Variants in NCAPD2 observed in about 807,000 individuals in gnomAD.
The protein encoded by NCAPD2 is non-SMC condensin I complex subunit D2.
A neutral mutation model predicts 164.5 loss-of-function variants in NCAPD2; 100 were observed. The ratio of observed to expected loss-of-function variants is 0.61; its 90% CI spans 0.52 to 0.72. The LOEUF is 0.72. Ranked by LOEUF, NCAPD2 falls within the 30% of genes least tolerant of loss-of-function variation. The pLI is 0.00. For synonymous variants in NCAPD2, 585 were observed against 642.6 expected, an observed-to-expected ratio of 0.91 and a Z score of 1.36; for missense variants, 1,560 against 1,749.2, an observed-to-expected ratio of 0.89 and a Z score of 1.93.
intron 2 of NCAPD2, among the ~76,000 whole-genome samples, chr12:6,496,831 T>C (rs1159910997): frequency 6.6e-6 from 1 of 152,222 alleles, no homozygotes; most frequent in Non-Finnish European, 1.5e-5. Context: ...ATTGTAGGCA[T>C]GAGGCACCAT....
intron 2 of NCAPD2, among the ~76,000 whole-genome samples, chr12:6,504,216 T>TACACATATATATATATATAC (rs1406807438): frequency 1.3e-4 from 3 of 23,208 alleles, no homozygotes; most frequent in Non-Finnish European, 2.4e-4. Context: ...TATATATATA[T>TACACATATATATATATATAC]AGATATAGAT....
chr12:6,506,415 C>T (rs901066209), intron 2 of NCAPD2, among the ~76,000 whole-genome samples: 21 of 151,864 alleles, frequency 1.4e-4, no homozygotes, highest in Non-Finnish European at 2.2e-4. Context: ...CGTGAAACCC[C>T]GTCTCTACTA....
chr12:6,509,867 A>T (rs1946129814), intron 3 of NCAPD2, 75 bp downstream of exon 3: 1 of 1,503,224 alleles, frequency 6.7e-7, no homozygotes, highest in Admixed American at 1.8e-5. Context: ...TTAGTCCTGA[A>T]ATTCCAAGTT....
chr12:6,520,959 G>T (rs1309791963), intron 13 of NCAPD2, 27 bp from the exon 14 acceptor site: 3 of 1,613,100 alleles, frequency 1.9e-6, no homozygotes, highest in Non-Finnish European at 2.5e-6. Flanking sequence ...CATTCTTCTG[G>T]GTACTGACAG....
rs1946320375 is a variant in NCAPD2, at chr12:6,526,599, C to T, written c.2718C>T (p.Thr906=). 15 of 1,613,822 alleles carry T rather than the reference C, an allele frequency of 9.3e-6. No individual in the cohort carries two copies. Among genetic ancestry groups the T allele is most frequent in the Non-Finnish European group, 1.3e-5 (15 of 1,179,748 alleles). ...QALEKLEEKR[T]SQEDPKESPA... is the part of the protein sequence containing the mutation. The stretch of plus-strand genomic sequence containing the variant: ...TGGAGAAGCTAGAAGAGAAGAGAAC[C>T]AGTCAGGAGGACCCGAGTAAGTGGG... The change falls in exon 21 of 32, where the codon ACC becomes ACT. Residue 906 remains threonine (T), a synonymous_variant. Transcript: ENST00000315579.
In NCAPD2 at chr12:6,528,302, C is replaced by T. The variant is rs779341698; in HGVS notation, c.3273C>T (p.Asp1091=). The T allele has an allele frequency of 6.2e-7, 1 of 1,613,836 alleles. No homozygotes were observed. The highest frequency in any genetic ancestry group is 8.5e-7 in the Non-Finnish European group (1 of 1,180,040). ...DLAIRFPNLV[D]PWTPHLYARL... is the part of the protein sequence containing the mutation. ...CCATCCGCTTTCCCAATCTGGTGGA[C>T]CCCTGGACTCCTCATCTGTATGCTC... The change falls in exon 25 of 32, where the codon GAC becomes GAT. Residue 1091 remains aspartate, a synonymous_variant. Transcript: ENST00000315579. This position sits in a 1 kb window ranked among gnomAD's most constrained non-coding sequence, Gnocchi z 5.1.
At chr12:6,504,216 T>TATATATATATACAC (rs1406807438) in intron 2 of NCAPD2, among the ~76,000 whole-genome samples, 295 of 22,826 alleles carry the variant, frequency 0.013, 5 homozygotes, top group Non-Finnish European at 0.02. Context: ...TATATATATA[T>TATATATATATACAC]AGATATAGAT....
In NCAPD2 at chr12:6,527,032, A is replaced by G; in HGVS notation, c.2876A>G (p.Gln959Arg). 1 of 1,613,448 alleles carries G rather than the reference A, an allele frequency of 6.2e-7. No individual in the cohort carries two copies. The highest frequency in any genetic ancestry group is 8.5e-7 in the Non-Finnish European group (1 of 1,179,602). The change falls in exon 22 of 32, where the codon CAG (glutamine) becomes CGG (arginine). Residue 959 changes from glutamine to arginine, a missense_variant. Coordinates refer to ENST00000315579, the MANE Select transcript of NCAPD2 (RefSeq NM_014865.4). Reference sequence around the variant, plus strand: ...CGGCGCCGAGTTCTCCGGGAAGAACAGGAGCACAAGACCAAAGATCCCAAG... The same window carrying G: ...CGGCGCCGAGTTCTCCGGGAAGAACGGGAGCACAAGACCAAAGATCCCAAG... ...LCRRRVLREEQEHKTKDPKEK... is the reference protein window; with the variant it reads ...LCRRRVLREEREHKTKDPKEK...
intron 2 of NCAPD2, among the ~76,000 whole-genome samples, chr12:6,509,160 T>G (rs1946123353): frequency 6.6e-6 from 1 of 152,146 alleles, no homozygotes; most frequent in Non-Finnish European, 1.5e-5. Context: ...CTCTAAGGTG[T>G]AAAGTAGGCG....
At chr12:6,511,455 C>T (rs1946145914) in intron 6 of NCAPD2, among the ~76,000 whole-genome samples, 1 of 152,026 alleles carries the variant, frequency 6.6e-6, no homozygotes, top group South Asian at 2.1e-4. Flanking sequence ...GCCTCAGCCT[C>T]CCGAGTAGCT....
intron 1 of NCAPD2, among the ~76,000 whole-genome samples, chr12:6,494,864 C>T (rs1945961119): frequency 6.6e-6 from 1 of 152,132 alleles, no homozygotes; most frequent in South Asian, 2.1e-4. Flanking sequence ...CAGGGTCAAT[C>T]TCAGATCCCG....
At position 6,517,009 on chromosome 12, in the gene NCAPD2, G is replaced by T. The variant is rs369341180; in HGVS notation, c.1169G>T (p.Arg390Leu). ...VRSRVLQLFT[R>L]IVQQKALPLT... ...AGCCGTGTTTTGCAGCTCTTCACCC[G>T]AATTGTCCAGCAGAAGGTAACCAAC... The change falls in exon 10 of 32, where the codon CGA becomes CTA. Residue 390 changes from arginine (R) to leucine (L), a missense_variant. By Grantham distance (102) the Arg-to-Leu change is moderately radical. Transcript: ENST00000315579. The T allele has an allele frequency of 6.2e-7, 1 of 1,614,060 alleles. No individual in the cohort carries two copies. The highest frequency in any genetic ancestry group is 1.7e-5 in the Admixed American group (1 of 60,006).
rs1946054207 is a variant in NCAPD2 at position 6,503,147 on chromosome 12, G to A, written c.128-6570G>A. Among the ~76,000 whole-genome samples, 3 of 151,212 alleles carry A rather than the reference G, an allele frequency of 2.0e-5. No homozygotes were observed. The South Asian group carries it at 6.3e-4, about 32-fold the overall frequency. On this transcript the variant is annotated intron_variant, in intron 2 of 31. Coordinates refer to ENST00000315579, the MANE Select transcript of NCAPD2 (RefSeq NM_014865.4). ...TGGGATTACAGGCGTGAGCCACCAC[G>A]TCTGGCCTACAAAGGTTTCTAATAC... is the stretch of plus-strand genomic sequence containing the variant.
chr12:6,503,447 T>A (rs932130814), intron 2 of NCAPD2, among the ~76,000 whole-genome samples: 1 of 152,028 alleles, frequency 6.6e-6, no homozygotes, highest in African/African-American at 2.4e-5. Context: ...GTGAACCCAC[T>A]CCCCAGAGCC....
chr12:6,518,298 A>G, intron 13 of NCAPD2: 1 of 178,134 alleles, frequency 5.6e-6, no homozygotes, highest in Non-Finnish European at 1.2e-5. Flanking sequence ...CCTCGGTTTC[A>G]TTATCTATAA....
chr12:6,509,573 T>C lies in NCAPD2; in HGVS notation c.128-144T>C, dbSNP rs1266435486. ...CACCATGCCCGGCTCTCATCGTCAT[T>C]ATAGGTTACATTGAAGTGAACTGTT... On this transcript the variant is annotated intron_variant, in intron 2 of 31. Coordinates refer to ENST00000315579, the MANE Select transcript of NCAPD2 (RefSeq NM_014865.4). 10 of 807,784 alleles carry C rather than the reference T, an allele frequency of 1.2e-5. No individual in the cohort carries two copies. The African/African-American group carries it at 1.5e-4, about 12-fold the overall frequency. The allele number at this position is 807,784 out of a possible 1,614,324, so 50.0% of individuals were successfully genotyped here.
intron 2 of NCAPD2, among the ~76,000 whole-genome samples, chr12:6,498,479 T>G (rs565896790): frequency 8.5e-5 from 13 of 152,300 alleles, no homozygotes; most frequent in African/African-American, 3.1e-4. Flanking sequence ...AGGAGATATA[T>G]TCCAAGACCC....
Position 6,512,188 on chromosome 12 carries a change from C to T in NCAPD2, c.587+936C>T, listed in dbSNP as rs370229736. Among the ~76,000 whole-genome samples, 262 of 147,776 alleles carry T rather than the reference C, an allele frequency of 1.8e-3. 7 individuals carry two copies. The South Asian group carries it at 0.04, about 22-fold the overall frequency. Reference sequence around the variant, plus strand: ...TCAGGAGGCTGAGGCAGGAGAATGGCGTGAACCCGGGAGGTGGAGCTTGCA... The same window carrying T: ...TCAGGAGGCTGAGGCAGGAGAATGGTGTGAACCCGGGAGGTGGAGCTTGCA... On this transcript the variant is annotated intron_variant, in intron 6 of 31. Transcript: ENST00000315579.
intron 2 of NCAPD2, among the ~76,000 whole-genome samples, 171 bp from the exon 3 acceptor site, chr12:6,509,546 G>A (rs1056267180): frequency 3.3e-5 from 5 of 152,214 alleles, no homozygotes; most frequent in African/African-American, 1.2e-4. Context: ...ACAGGCGTGA[G>A]CCACCATGCC....
Sources: allele counts gnomAD v4.1 joint callset (sites outside exome capture counted in the v4.1 genomes callset), GRCh38; gene constraint gnomAD v4.1.1; non-coding constraint Gnocchi (gnomAD v3.1); transcripts MANE v1.5; gene names NCBI Gene and HGNC (gene_info 2026-07-23, HGNC 2026-07-21).